The following PHLPP1 variants were observed in gnomAD, a reference collection of about 807,000 sequenced individuals.
The protein encoded by PHLPP1 is PH domain leucine-rich repeat-containing protein phosphatase 1.
Under a neutral mutation model 117.2 loss-of-function variants are expected in PHLPP1, and 42 were observed. The observed-to-expected ratio is 0.36, with a 90% CI of 0.28 to 0.46. The LOEUF is 0.46. Among genes scored for constraint, PHLPP1 ranks in the 20% least tolerant of loss-of-function variants. The pLI is 1.00. For synonymous variants in PHLPP1, 1,042 were observed against 970.7 expected, an observed-to-expected ratio of 1.07 and a Z score of -1.37; for missense variants, 2,084 against 2,241.9, an observed-to-expected ratio of 0.93 and a Z score of 1.42.
chr18:62,944,398 CATTCTT>C (rs1169431308), intron 11 of PHLPP1, among the ~76,000 whole-genome samples: 11 of 152,164 alleles, frequency 7.2e-5, no homozygotes, highest in Admixed American at 1.3e-4. Context: ...CAATAAAAGA[CATTCTT>C]AAACAGAAGT....
At chr18:62,823,957 C>T (rs887794029) in intron 1 of PHLPP1, among the ~76,000 whole-genome samples, 2 of 151,974 alleles carry the variant, frequency 1.3e-5, no homozygotes, top group Non-Finnish European at 2.9e-5. Flanking sequence ...CATGGTGAAA[C>T]CCCATCTCTA....
At chr18:62,953,626 A>G (rs947294197) in intron 12 of PHLPP1, among the ~76,000 whole-genome samples, 2 of 152,166 alleles carry the variant, frequency 1.3e-5, no homozygotes, top group African/African-American at 4.8e-5. Context: ...CCATCTCCAT[A>G]TGTCCCTGAT....
chr18:62,855,398 C>A (rs571799217), intron 3 of PHLPP1, among the ~76,000 whole-genome samples: 2 of 152,170 alleles, frequency 1.3e-5, no homozygotes, highest in Non-Finnish European at 2.9e-5. Flanking sequence ...GCCATACCTT[C>A]TAAGTAGAGT....
chr18:62,862,647 T>A (rs1214944275), intron 4 of PHLPP1, among the ~76,000 whole-genome samples: 3 of 152,186 alleles, frequency 2.0e-5, no homozygotes, highest in African/African-American at 4.8e-5. Context: ...TAGCGACTGG[T>A]TTGGCCCACA....
intron 3 of PHLPP1, among the ~76,000 whole-genome samples, chr18:62,842,076 A>T (rs1019535441): frequency 6.6e-6 from 1 of 152,240 alleles, no homozygotes; most frequent in Admixed American, 6.5e-5. Flanking sequence ...ATATGCATAT[A>T]ATAGATTTAT....
chr18:62,826,914 C>A (rs1048854507), intron 1 of PHLPP1, among the ~76,000 whole-genome samples: 11 of 152,154 alleles, frequency 7.2e-5, no homozygotes, highest in Admixed American at 4.6e-4. Flanking sequence ...GCAGAAGAAT[C>A]AATTGAACCT....
intron 1 of PHLPP1, among the ~76,000 whole-genome samples, chr18:62,790,080 A>G (rs527825538): frequency 7.2e-5 from 11 of 152,374 alleles, no homozygotes; most frequent in African/African-American, 2.6e-4. Flanking sequence ...TGCATAAAAG[A>G]GAGTCAATGC....
intron 2 of PHLPP1, among the ~76,000 whole-genome samples, chr18:62,835,776 CTTTT>C (rs747058557): frequency 7.4e-5 from 7 of 94,516 alleles, no homozygotes; most frequent in Admixed American, 1.1e-4. Context: ...TCAACTGGTT[CTTTT>C]TTTTTTTTTT....
chr18:62,774,802 T>C lies in PHLPP1; in HGVS notation c.1577-55233T>C, dbSNP rs531215632. On this transcript the variant is annotated intron_variant, in intron 1 of 16. Coordinates refer to ENST00000262719, the MANE Select transcript of PHLPP1 (RefSeq NM_194449.4). The stretch of plus-strand genomic sequence containing the variant: ...TTTCTGTGTACAAACAAAACTAATA[T>C]TTCAGCTCAAATGAATAGCACATGA... Among the ~76,000 whole-genome samples the C allele has an allele frequency of 9.2e-5, 14 of 152,116 alleles. No individual in the cohort carries two copies. In the East Asian group the frequency reaches 2.5e-3, roughly 27 times the overall value.
At chr18:62,867,871 G>A (rs1915805497) in intron 4 of PHLPP1, among the ~76,000 whole-genome samples, 1 of 151,934 alleles carries the variant, frequency 6.6e-6, no homozygotes, top group Non-Finnish European at 1.5e-5. Flanking sequence ...GAGCGCAGTG[G>A]GGCGATCTCG....
At chr18:62,828,595 T>A (rs1599069437) in intron 1 of PHLPP1, among the ~76,000 whole-genome samples, 2 of 152,318 alleles carry the variant, frequency 1.3e-5, no homozygotes, top group Admixed American at 1.3e-4. Context: ...ACCTGTGGCT[T>A]ATTTCCTAAC....
chr18:62,922,674 A>T (rs1909510654), intron 10 of PHLPP1, among the ~76,000 whole-genome samples: 1 of 152,240 alleles, frequency 6.6e-6, no homozygotes, highest in African/African-American at 2.4e-5. Context: ...CCATTTCTGA[A>T]TCTGGCCAAT....
intron 8 of PHLPP1, 81 bp downstream of exon 8, chr18:62,905,365 T>C: frequency 1.6e-6 from 1 of 622,720 alleles, no homozygotes; most frequent in Non-Finnish European, 2.5e-6. Flanking sequence ...GCACAAGTAC[T>C]TTTTAATATT....
chr18:62,740,996 T>C (rs1367533773), intron 1 of PHLPP1, among the ~76,000 whole-genome samples: 1 of 151,988 alleles, frequency 6.6e-6, no homozygotes, highest in Non-Finnish European at 1.5e-5. Flanking sequence ...AAAAAAAGAA[T>C]ATAATTGCTC....
At chr18:62,958,955 G>A (rs1364694208) in intron 13 of PHLPP1, among the ~76,000 whole-genome samples, 196 bp downstream of exon 13, 5 of 152,240 alleles carry the variant, frequency 3.3e-5, no homozygotes, top group Non-Finnish European at 5.9e-5. Flanking sequence ...CACTGATAAC[G>A]TGGTTGTGAC....
intron 1 of PHLPP1, among the ~76,000 whole-genome samples, chr18:62,804,188 A>T (rs1327792630): frequency 6.6e-6 from 1 of 152,154 alleles, no homozygotes; most frequent in Non-Finnish European, 1.5e-5. Flanking sequence ...AGAGCCCCTT[A>T]TGAAACCATC....
At chr18:62,958,577 G>A in intron 12 of PHLPP1, 52 bp from the exon 13 acceptor site, 1 of 1,598,586 alleles carries the variant, frequency 6.3e-7, no homozygotes, top group Non-Finnish European at 8.6e-7. Flanking sequence ...AGAATTCCCT[G>A]AAGAGCTTCT....
intron 1 of PHLPP1, among the ~76,000 whole-genome samples, chr18:62,770,423 A>G (rs1912722712): frequency 6.6e-6 from 1 of 152,234 alleles, no homozygotes; most frequent in Non-Finnish European, 1.5e-5. Context: ...TCTGGTTAAC[A>G]TGTGTCAACT....
intron 14 of PHLPP1, among the ~76,000 whole-genome samples, chr18:62,971,012 G>A (rs1015372140): frequency 1.3e-5 from 2 of 152,120 alleles, no homozygotes; most frequent in African/African-American, 2.4e-5. Context: ...TAGAAATCTA[G>A]GTTGTTTTCT....
Sources: allele counts gnomAD v4.1 joint callset (sites outside exome capture counted in the v4.1 genomes callset), GRCh38; gene constraint gnomAD v4.1.1; transcripts MANE v1.5; gene names NCBI Gene and HGNC (gene_info 2026-07-23, HGNC 2026-07-21).